NDUFAF1: variants seen among roughly 807,000 people sequenced by gnomAD.
The protein encoded by NDUFAF1 is complex I intermediate-associated protein 30, mitochondrial.
A neutral mutation model predicts 28.7 loss-of-function variants in NDUFAF1; 18 were observed. The ratio of observed to expected loss-of-function variants is 0.63; its 90% CI spans 0.43 to 0.93. The LOEUF (loss-of-function observed/expected upper bound fraction) is 0.93, where lower values mean the gene tolerates loss of function less well. NDUFAF1 is among the 40% of genes least tolerant of loss of function. The pLI, the probability that NDUFAF1 is intolerant of heterozygous loss-of-function variation, is 0.00. For synonymous variants in NDUFAF1, 113 were observed against 139.7 expected, an observed-to-expected ratio of 0.81 and a Z score of 1.35; for missense variants, 404 against 398.3, an observed-to-expected ratio of 1.01 and a Z score of -0.12.
At chr15:41,398,262 C>T (rs1232573633) in intron 1 of NDUFAF1, among the ~76,000 whole-genome samples, 1 of 151,004 alleles carries the variant, frequency 6.6e-6, no homozygotes, top group African/African-American at 2.4e-5. Flanking sequence ...GAGGCCGAGG[C>T]GGATGGATCA....
At chr15:41,401,710 G>A (rs1285926137) in intron 1 of NDUFAF1, among the ~76,000 whole-genome samples, 3 of 152,154 alleles carry the variant, frequency 2.0e-5, no homozygotes, top group African/African-American at 7.2e-5. Context: ...ACAGGCGTGA[G>A]CCACCGCGCC....
Position 41,396,530 on chromosome 15 carries a change from G to C in NDUFAF1, c.530C>G (p.Ser177Cys). The change falls in exon 2 of 5, where the codon TCT becomes TGT. Residue 177 changes from serine to cysteine, a missense_variant. Transcript: ENST00000260361. ...CATTGCACAGTACCCACTTCGGGTAGACTCCCCGTCCTGAGGCGCCTCAGA... is the reference window on the plus strand; with the variant it reads ...CATTGCACAGTACCCACTTCGGGTACACTCCCCGTCCTGAGGCGCCTCAGA... Reference protein sequence around the residue: ...LSSEAPQDGESTRSGYCAMIS... With the variant: ...LSSEAPQDGECTRSGYCAMIS... The C allele has an allele frequency of 1.2e-6, 2 of 1,614,126 alleles. No homozygotes were observed. Among genetic ancestry groups the C allele is most frequent in the Non-Finnish European group, 1.7e-6 (2 of 1,180,034 alleles).
In NDUFAF1 at chr15:41,396,875, TCTC is replaced by T. The variant is rs751237949; in HGVS notation, c.182_184del (p.Gly61del). Reference sequence around the variant, plus strand: ...ATCCAAAGCAACTTCTTTCTGGTGATCTCCTTGCAAATCCCCTTCAGTCTTCCT... The same window carrying T: ...ATCCAAAGCAACTTCTTTCTGGTGATCTTGCAAATCCCCTTCAGTCTTCCT... On this transcript the variant is annotated inframe_deletion, in exon 2 of 5. Coordinates refer to ENST00000260361, the MANE Select transcript of NDUFAF1 (RefSeq NM_016013.4). 1.2e-6 allele frequency: 2 copies of T among 1,614,164 alleles called. No homozygotes were observed. The highest frequency in any genetic ancestry group is 2.2e-5 in the East Asian group (1 of 44,884).
chr15:41,388,291 T>C (rs2050275561), intron 4 of NDUFAF1, among the ~76,000 whole-genome samples, 157 bp downstream of exon 4: 1 of 152,134 alleles, frequency 6.6e-6, no homozygotes, highest in Admixed American at 6.6e-5. Flanking sequence ...GTATGGTTCA[T>C]AGGAGAGGTC....
intron 3 of NDUFAF1, among the ~76,000 whole-genome samples, chr15:41,389,300 C>T (rs1286236756): frequency 1.3e-5 from 2 of 148,572 alleles, no homozygotes; most frequent in Admixed American, 6.8e-5. Context: ...CCATGTTAGC[C>T]AGGCTGGTCT....
At position 41,396,533 on chromosome 15, in the gene NDUFAF1, TC is replaced by T; in HGVS notation, c.526del (p.Glu176SerfsTer10). 1 of 1,614,124 alleles carries T rather than the reference TC, an allele frequency of 6.2e-7. No homozygotes were observed. The highest frequency in any genetic ancestry group is 1.1e-5 in the South Asian group (1 of 91,078). On this transcript the variant is annotated frameshift_variant, in exon 2 of 5. Coordinates refer to ENST00000260361, the MANE Select transcript of NDUFAF1 (RefSeq NM_016013.4). LOFTEE classifies it high-confidence loss of function. The stretch of plus-strand genomic sequence containing the variant: ...TGCACAGTACCCACTTCGGGTAGAC[TC>T]CCCGTCCTGAGGCGCCTCAGAGCTC... ...TLSSEAPQDG[E>X]STRSGYCAMI...
chr15:41,397,346 C>T (rs998886335), intron 1 of NDUFAF1, among the ~76,000 whole-genome samples: 3 of 152,094 alleles, frequency 2.0e-5, no homozygotes, highest in African/African-American at 7.2e-5. Context: ...ACTTTCTGGG[C>T]TCAAATGATC....
chr15:41,402,741 T>TA (rs1555383485), upstream of NDUFAF1, among the ~76,000 whole-genome samples: 471 of 148,922 alleles, frequency 3.2e-3, 2 homozygotes, highest in African/African-American at 0.011. Context: ...TTTTTTTTTT[T>TA]TTTTTTTTGA....
intron 2 of NDUFAF1, among the ~76,000 whole-genome samples, chr15:41,395,824 A>T (rs1179962335): frequency 1.3e-5 from 2 of 151,470 alleles, no homozygotes; most frequent in Middle Eastern, 3.2e-3. Flanking sequence ...ACAGGCATGC[A>T]CCACCATGTC....
intron 1 of NDUFAF1, among the ~76,000 whole-genome samples, chr15:41,398,094 T>C (rs2140925870): frequency 6.6e-6 from 1 of 150,816 alleles, no homozygotes; most frequent in Admixed American, 6.6e-5. Flanking sequence ...CATGATGGTT[T>C]TGAACTCCTA....
intron 3 of NDUFAF1, among the ~76,000 whole-genome samples, chr15:41,392,419 T>C (rs2050327402): frequency 6.6e-6 from 1 of 152,106 alleles, no homozygotes; most frequent in Admixed American, 6.6e-5. Flanking sequence ...AGGGTCCTGA[T>C]ATGGTTTGGC....
At chr15:41,394,508 A>G in intron 3 of NDUFAF1, 1 of 607,450 alleles carries the variant, frequency 1.6e-6, no homozygotes, top group Admixed American at 2.6e-5. Flanking sequence ...ATTTATATTA[A>G]TGAAACAAAA....
At chr15:41,397,712 T>C (rs985721911) in intron 1 of NDUFAF1, among the ~76,000 whole-genome samples, 4 of 146,460 alleles carry the variant, frequency 2.7e-5, no homozygotes, top group African/African-American at 7.7e-5. Context: ...AGCAGGAGAA[T>C]AGCGTCAACC....
intron 2 of NDUFAF1, 105 bp downstream of exon 2, chr15:41,396,382 C>T: frequency 9.0e-7 from 1 of 1,114,938 alleles, no homozygotes; most frequent in Non-Finnish European, 1.3e-6. Context: ...ATATAACATG[C>T]CAGGTGTTTT....
In NDUFAF1 at chr15:41,387,394, T is replaced by G; in HGVS notation, c.*50A>C. ...AAATATTTTATTTTGTCTATATCAT[T>G]GTAGATGCTAGTACCCTTAGATTAG... On this transcript the variant is annotated 3_prime_UTR_variant, in exon 5 of 5. Transcript: ENST00000260361. 2.0e-6 allele frequency: 3 copies of G among 1,530,646 alleles called. No individual in the cohort carries two copies. The highest frequency in any genetic ancestry group is 2.7e-6 in the Non-Finnish European group (3 of 1,104,322). The allele number at this position is 1,530,646 out of a possible 1,614,324, so 94.8% of individuals were successfully genotyped here.
At chr15:41,397,537 C>T (rs981038886) in intron 1 of NDUFAF1, among the ~76,000 whole-genome samples, 18 of 152,104 alleles carry the variant, frequency 1.2e-4, no homozygotes, top group African/African-American at 4.3e-4. Flanking sequence ...CGGTGGCTGA[C>T]GCCTGTAATC....
intron 1 of NDUFAF1, among the ~76,000 whole-genome samples, chr15:41,400,103 G>A (rs1227847058): frequency 5.9e-5 from 9 of 151,830 alleles, no homozygotes; most frequent in Non-Finnish European, 1.0e-4. Flanking sequence ...GCCAGGCGCA[G>A]TGGCTCACGC....
intron 1 of NDUFAF1, among the ~76,000 whole-genome samples, chr15:41,400,349 A>G (rs1358552668): frequency 1.3e-5 from 2 of 148,300 alleles, no homozygotes; most frequent in East Asian, 4.0e-4. Context: ...AGCCTGGGCA[A>G]CAAGAGCAAA....
intron 1 of NDUFAF1, among the ~76,000 whole-genome samples, chr15:41,400,687 T>A (rs2050450087): frequency 1.2e-5 from 1 of 82,740 alleles, no homozygotes; most frequent in Non-Finnish European, 2.3e-5. Flanking sequence ...CATGCCCAGC[T>A]ATTTTTTTTT....
Sources: allele counts gnomAD v4.1 joint callset (sites outside exome capture counted in the v4.1 genomes callset), GRCh38; gene constraint gnomAD v4.1.1; transcripts MANE v1.5; gene names NCBI Gene and HGNC (gene_info 2026-07-23, HGNC 2026-07-21).